NRXN1: variants seen among roughly 807,000 people sequenced by gnomAD.
NRXN1 encodes the protein neurexin-1.
NRXN1 carries 39 observed loss-of-function variants against 150.9 expected under a neutral mutation model. The ratio of observed to expected loss-of-function variants is 0.26; its 90% CI spans 0.20 to 0.34. The LOEUF (loss-of-function observed/expected upper bound fraction) is 0.34. Among genes scored for constraint, NRXN1 ranks in the 10% least tolerant of loss-of-function variants. The pLI is 1.00. For synonymous variants in NRXN1, 924 were observed against 757.0 expected (o/e 1.22, Z -3.62); for missense variants, 1,815 against 1,949.9 (o/e 0.93, Z 1.30).
At chr2:51,002,328 C>T (rs1007387635) in intron 2 of NRXN1, among the ~76,000 whole-genome samples, 8 of 151,944 alleles carry the variant, frequency 5.3e-5, no homozygotes, top group African/African-American at 1.7e-4. Flanking sequence ...ATGACACAAC[C>T]AGAAGCACTA....
chr2:50,249,240 G>T (rs1314979308), intron 17 of NRXN1, among the ~76,000 whole-genome samples: 4 of 151,132 alleles, frequency 2.6e-5, no homozygotes, highest in African/African-American at 9.7e-5. Flanking sequence ...TATAGAGGAA[G>T]GACTCATATC....
At chr2:50,584,547 T>C (rs1672790698) in intron 8 of NRXN1, among the ~76,000 whole-genome samples, 1 of 152,194 alleles carries the variant, frequency 6.6e-6, no homozygotes, top group Non-Finnish European at 1.5e-5. Context: ...AAGGAATAAA[T>C]GGGCAGCTAT....
chr2:50,954,392 C>G (rs1691923905), intron 2 of NRXN1, among the ~76,000 whole-genome samples: 1 of 152,174 alleles, frequency 6.6e-6, no homozygotes, highest in Admixed American at 6.6e-5. Flanking sequence ...ACATTCAGTT[C>G]ATTGCAGAGC....
intron 2 of NRXN1, among the ~76,000 whole-genome samples, chr2:50,960,094 C>T (rs968847191): frequency 6.6e-6 from 1 of 151,682 alleles, no homozygotes; most frequent in Non-Finnish European, 1.5e-5. Context: ...TGTCATGTTG[C>T]TTTCTCTTAA....
At chr2:50,664,962 T>C (rs1687816324) in intron 5 of NRXN1, among the ~76,000 whole-genome samples, 1 of 151,986 alleles carries the variant, frequency 6.6e-6, no homozygotes, top group African/African-American at 2.4e-5. Context: ...CATGTATGCT[T>C]TCAGAAGAGA....
intron 5 of NRXN1, among the ~76,000 whole-genome samples, chr2:50,753,240 A>C (rs1229149813): frequency 6.6e-6 from 1 of 151,944 alleles, no homozygotes; most frequent in Non-Finnish European, 1.5e-5. Flanking sequence ...ATAATTGTAG[A>C]ATGAAAATAA....
chr2:50,767,537 T>C (rs1454429006), intron 5 of NRXN1, among the ~76,000 whole-genome samples: 4 of 152,074 alleles, frequency 2.6e-5, no homozygotes, highest in Non-Finnish European at 2.9e-5. Flanking sequence ...AATCCTAGAT[T>C]TCCGACAGTG....
chr2:50,195,532 G>A (rs2061703770), intron 18 of NRXN1, among the ~76,000 whole-genome samples: 1 of 152,194 alleles, frequency 6.6e-6, no homozygotes, highest in East Asian at 1.9e-4. Flanking sequence ...TAGATAATGA[G>A]AAGCAATAAT....
chr2:50,898,297 T>C (rs1487990171), intron 5 of NRXN1, among the ~76,000 whole-genome samples: 1 of 152,136 alleles, frequency 6.6e-6, no homozygotes, highest in Non-Finnish European at 1.5e-5. Flanking sequence ...TTCCAACACT[T>C]TCTTACTGCT....
intron 15 of NRXN1, among the ~76,000 whole-genome samples, chr2:50,493,042 G>A (rs182618322): frequency 2.0e-5 from 3 of 152,264 alleles, no homozygotes; most frequent in African/African-American, 7.2e-5. Flanking sequence ...GCTAAAGTTG[G>A]CTGACCTTCT....
rs1194309233 is a variant in NRXN1 at position 50,050,082 on chromosome 2, A to C, written c.4128+3189T>G. ...ATCAGAAGTTTTGGTAAATGTCCCTATTATTTCTTGATATAAATCACATCT... is the reference window on the plus strand; with the variant it reads ...ATCAGAAGTTTTGGTAAATGTCCCTCTTATTTCTTGATATAAATCACATCT... On this transcript the variant is annotated intron_variant, in intron 21 of 22. Transcript: ENST00000401669. Among the ~76,000 whole-genome samples the C allele has an allele frequency of 3.3e-5, 5 of 151,564 alleles. 1 individual carries two copies. In the South Asian group the frequency reaches 1.0e-3, roughly 31 times the overall value.
At position 50,644,156 on chromosome 2, in the gene NRXN1, G is replaced by GA. The variant is rs533761082; in HGVS notation, c.833-20542dup. Among the ~76,000 whole-genome samples, 135 of 145,008 alleles carry GA rather than the reference G, an allele frequency of 9.3e-4. 2 individuals carry two copies. The highest frequency in any genetic ancestry group is 2.8e-3 in the South Asian group (13 of 4,644). On this transcript the variant is annotated intron_variant, in intron 5 of 22. Transcript: ENST00000401669. ...TTTATATTCCTAGGATCTTCATGTG[G>GA]AAAAAAAAAACTTAATGATTTAAAC...
intron 17 of NRXN1, among the ~76,000 whole-genome samples, chr2:50,291,305 A>T (rs1203516599): frequency 1.3e-5 from 2 of 152,150 alleles, no homozygotes; most frequent in African/African-American, 4.8e-5. Flanking sequence ...TACATAAATG[A>T]AATACGCATA....
chr2:50,671,574 T>G (rs983011552), intron 5 of NRXN1, among the ~76,000 whole-genome samples: 1 of 151,782 alleles, frequency 6.6e-6, no homozygotes, highest in South Asian at 2.1e-4. Flanking sequence ...GCACTTTTTA[T>G]AACTAAATAT....
At chr2:50,126,237 T>G (rs1356365911) in intron 18 of NRXN1, among the ~76,000 whole-genome samples, 5 of 152,110 alleles carry the variant, frequency 3.3e-5, no homozygotes, top group African/African-American at 1.2e-4. Context: ...GCAGGTGTGT[T>G]TGACTGACCC....
chr2:50,486,240 A>C (rs964587557), intron 15 of NRXN1, among the ~76,000 whole-genome samples: 2 of 152,206 alleles, frequency 1.3e-5, no homozygotes, highest in Non-Finnish European at 2.9e-5. Flanking sequence ...ATAGGCATGC[A>C]TAAATGACAT....
chr2:50,690,496 G>A lies in NRXN1; in HGVS notation c.833-66881C>T, dbSNP rs148258654. ...GAAGCCATCACAGCCTTGCACATGA[G>A]ATTTGGTTGGTGGGAATAGAAAAAC... On this transcript the variant is annotated intron_variant, in intron 5 of 22. Coordinates refer to ENST00000401669, the MANE Select transcript of NRXN1 (RefSeq NM_001330078.2). 4.8e-3 allele frequency among the ~76,000 whole-genome samples: 730 copies of A among 152,266 alleles called. 4 individuals carry two copies. Among genetic ancestry groups the A allele is most frequent in the African/African-American group, 0.017 (696 of 41,556 alleles).
chr2:50,373,690 G>GGAAAGAAAGAAAGAAAGAAAGAAA lies in NRXN1; in HGVS notation c.3364+91751_3364+91752insTTTCTTTCTTTCTTTCTTTCTTTC, dbSNP rs70948706. Among the ~76,000 whole-genome samples, 192 of 91,636 alleles carry GGAAAGAAAGAAAGAAAGAAAGAAA rather than the reference G, an allele frequency of 2.1e-3. 5 individuals carry two copies. Among genetic ancestry groups the GGAAAGAAAGAAAGAAAGAAAGAAA allele is most frequent in the African/African-American group, 6.4e-3 (130 of 20,318 alleles). The allele number at this position is 91,636 out of a possible 152,430, so 60.1% of individuals were successfully genotyped here. On this transcript the variant is annotated intron_variant, in intron 17 of 22. Transcript: ENST00000401669. ...AGAAAGAAAGAAAGAAAAGAAAGAA[G>GGAAAGAAAGAAAGAAAGAAAGAAA]GAAAGAAAGAAAGAAAGAAAGAGAA...
intron 5 of NRXN1, among the ~76,000 whole-genome samples, chr2:50,910,754 G>T (rs1428627980): frequency 2.6e-5 from 4 of 151,904 alleles, no homozygotes; most frequent in Non-Finnish European, 4.4e-5. Flanking sequence ...CTAGTTTGGG[G>T]TAGGAGTGCC....
Sources: allele counts gnomAD v4.1 joint callset (sites outside exome capture counted in the v4.1 genomes callset), GRCh38; gene constraint gnomAD v4.1.1; transcripts MANE v1.5; gene names NCBI Gene and HGNC (gene_info 2026-07-23, HGNC 2026-07-21).